Variants in ECT2 observed in about 807,000 individuals in gnomAD.
ECT2 encodes protein ECT2.
In ECT2, 61 loss-of-function variants were observed where a neutral mutation model predicts 116.9. The observed-to-expected ratio is 0.52, with a 90% confidence interval of 0.42 to 0.65. ECT2 has a LOEUF of 0.65. Among genes scored for constraint, ECT2 ranks in the 30% least tolerant of loss-of-function variants. The pLI, the probability that ECT2 is intolerant of heterozygous loss-of-function variation, is 0.00. For synonymous variants in ECT2, 358 were observed against 346.4 expected (o/e 1.03, Z -0.37); for missense variants, 937 against 1,078.7 (o/e 0.87, Z 1.84).
intron 18 of ECT2, among the ~76,000 whole-genome samples, chr3:172,787,385 C>T (rs1216979569): frequency 1.3e-5 from 2 of 151,778 alleles, no homozygotes; most frequent in Non-Finnish European, 1.5e-5. Flanking sequence ...CAGTAATGCT[C>T]AAATTAGTTA....
chr3:172,776,377 C>G (rs1721740327), intron 14 of ECT2, among the ~76,000 whole-genome samples: 1 of 151,802 alleles, frequency 6.6e-6, no homozygotes, highest in South Asian at 2.1e-4. Flanking sequence ...TTGTAAAACT[C>G]AAGAGAAAAG....
chr3:172,783,103 A>G (rs1476078801), intron 15 of ECT2, among the ~76,000 whole-genome samples: 1 of 152,150 alleles, frequency 6.6e-6, no homozygotes, highest in Admixed American at 6.5e-5. Context: ...GCCTCTTACT[A>G]GGATAAGAAC....
At chr3:172,761,043 C>T (rs1186135143) in intron 7 of ECT2, among the ~76,000 whole-genome samples, 2 of 152,114 alleles carry the variant, frequency 1.3e-5, no homozygotes, top group African/African-American at 4.8e-5. Flanking sequence ...TTCATAAGAA[C>T]AGAGCTCTGC....
chr3:172,810,047 TA>T, intron 22 of ECT2, among the ~76,000 whole-genome samples: 1 of 152,322 alleles, frequency 6.6e-6, no homozygotes, highest in Middle Eastern at 3.4e-3. Context: ...TGCCAACATG[TA>T]ACCTTTAATT....
intron 14 of ECT2, among the ~76,000 whole-genome samples, chr3:172,776,529 A>G (rs1721774719): frequency 6.6e-6 from 1 of 152,110 alleles, no homozygotes; most frequent in Admixed American, 6.5e-5. Context: ...TACCACATCT[A>G]TTGAGCAAGA....
At chr3:172,813,723 T>G (rs1729174816) in intron 22 of ECT2, among the ~76,000 whole-genome samples, 2 of 152,076 alleles carry the variant, frequency 1.3e-5, no homozygotes, top group African/African-American at 4.8e-5. Context: ...GTGTACCCAT[T>G]CCACAGTAAT....
chr3:172,793,385 G>A (rs1162723147), intron 18 of ECT2, among the ~76,000 whole-genome samples: 3 of 151,898 alleles, frequency 2.0e-5, no homozygotes, highest in South Asian at 2.1e-4. Flanking sequence ...AGTTGGCCTC[G>A]ATCTCCTGAC....
intron 20 of ECT2, among the ~76,000 whole-genome samples, chr3:172,804,705 G>T (rs1477607025): frequency 6.6e-6 from 1 of 151,966 alleles, no homozygotes; most frequent in African/African-American, 2.4e-5. Flanking sequence ...ATCCATTCTG[G>T]TTTTTATCCC....
At position 172,783,888 on chromosome 3, in the gene ECT2, A is replaced by G. The variant is rs749068216; in HGVS notation, c.1707A>G (p.Pro569=). 1 of 1,595,860 alleles carries G rather than the reference A, an allele frequency of 6.3e-7. No individual in the cohort carries two copies. The change falls in exon 16 of 25, where the codon CCA becomes CCG. Residue 569 remains proline (P), a synonymous_variant. Coordinates refer to ENST00000392692, the MANE Select transcript of ECT2 (RefSeq NM_001258315.2). ...TTATTAAATGTGAAAAACAGAAACC[A>G]AGATTTCATGCTTTTCTCAAGGTAA... ...ETIIKCEKQK[P]RFHAFLKINQ... is the part of the protein sequence containing the mutation.
At chr3:172,751,551 C>T (rs924467268) in intron 1 of ECT2, among the ~76,000 whole-genome samples, 1 of 152,144 alleles carries the variant, frequency 6.6e-6, no homozygotes, top group African/African-American at 2.4e-5. Context: ...ACGTATTAAG[C>T]GTTAAGTAAA....
Position 172,805,880 on chromosome 3 carries a change from C to G in ECT2, c.2245+11C>G, listed in dbSNP as rs781613717. ...TAAGAGAGACAGAAGGTATGCCGGT[C>G]GGATACATTCTTGGTTATATAAAAA... On this transcript the variant is annotated intron_variant, in intron 21 of 24. Coordinates refer to ENST00000392692, the MANE Select transcript of ECT2 (RefSeq NM_001258315.2). 3.2e-5 allele frequency: 52 copies of G among 1,609,716 alleles called. No homozygotes were observed. The highest frequency in any genetic ancestry group is 4.0e-5 in the Non-Finnish European group (47 of 1,178,074).
intron 21 of ECT2, 75 bp downstream of exon 21, chr3:172,805,944 G>T: frequency 4.0e-6 from 6 of 1,500,030 alleles, no homozygotes; most frequent in Non-Finnish European, 5.4e-6. Context: ...ACTCCATTTT[G>T]GCTTTTTTAA....
At chr3:172,768,018 C>G (rs892333759) in intron 12 of ECT2, among the ~76,000 whole-genome samples, 8 of 152,160 alleles carry the variant, frequency 5.3e-5, no homozygotes, top group Admixed American at 5.2e-4. Flanking sequence ...AGGAGTGAGC[C>G]ACCGTGCCTG....
chr3:172,752,903 C>T (rs1716189057), intron 1 of ECT2, among the ~76,000 whole-genome samples: 1 of 152,152 alleles, frequency 6.6e-6, no homozygotes, highest in African/African-American at 2.4e-5. Context: ...CACATAACAG[C>T]ATACAGTTTA....
At chr3:172,764,028 A>G (rs1718845713) in intron 11 of ECT2, among the ~76,000 whole-genome samples, 1 of 152,212 alleles carries the variant, frequency 6.6e-6, no homozygotes, top group African/African-American at 2.4e-5. Context: ...GGTAGTAAAC[A>G]AGTTTACAGA....
intron 21 of ECT2, 146 bp downstream of exon 21, chr3:172,806,015 C>G (rs1727618980): frequency 1.3e-6 from 1 of 777,744 alleles, no homozygotes; most frequent in African/African-American, 1.7e-5. Flanking sequence ...TCTTGCACCT[C>G]TATCCCATCT....
intron 18 of ECT2, among the ~76,000 whole-genome samples, chr3:172,788,121 A>G (rs1212874041): frequency 2.0e-5 from 3 of 152,224 alleles, no homozygotes; most frequent in Admixed American, 1.3e-4. Context: ...TAAGCCTTAT[A>G]GAATTTTACC....
Position 172,782,164 on chromosome 3 carries a change from A to G in ECT2, c.1550A>G (p.Asp517Gly). 1 of 1,558,034 alleles carries G rather than the reference A, an allele frequency of 6.4e-7. No individual in the cohort carries two copies. The highest frequency in any genetic ancestry group is 8.7e-7 in the Non-Finnish European group (1 of 1,146,988). ...ATATTTCAATTCGTGCTATTTCAGG[A>G]TGATCTTGAAGACCTTATAGTTAAT... is the stretch of plus-strand genomic sequence containing the variant. Reference protein sequence around the residue: ...DIFDVHTKIKDDLEDLIVNWD... With the variant: ...DIFDVHTKIKGDLEDLIVNWD... The change falls in exon 15 of 25, where the codon GAT (aspartate) becomes GGT (glycine). Residue 517 changes from aspartate (D) to glycine (G), a missense_variant and splice_region_variant. By Grantham distance (94) the Asp-to-Gly change is moderately conservative. Transcript: ENST00000392692.
chr3:172,764,538 G>A, intron 12 of ECT2, 38 bp downstream of exon 12: 1 of 1,543,334 alleles, frequency 6.5e-7, no homozygotes. Flanking sequence ...TTAAAGTTTA[G>A]TGGAATGGAA....
Sources: gnomAD v4.1 joint callset for allele counts (sites outside exome capture counted in the v4.1 genomes callset) on GRCh38, gnomAD v4.1.1 for gene constraint, MANE v1.5 for transcripts, NCBI Gene and HGNC (gene_info 2026-07-23, HGNC 2026-07-21) for gene names.